RIMS1: variants seen among roughly 807,000 people sequenced by gnomAD.
RIMS1 encodes regulating synaptic membrane exocytosis 1.
Under a neutral mutation model 214.1 loss-of-function variants are expected in RIMS1, and 83 were observed. That is an observed-to-expected ratio of 0.39 (90% CI 0.32 to 0.47). The LOEUF (loss-of-function observed/expected upper bound fraction) is 0.47. RIMS1 is among the 20% of genes least tolerant of loss of function. The pLI is 0.99. For missense variants in RIMS1, 2,050 were observed against 2,161.8 expected (o/e 0.95, Z 1.03); for synonymous variants, 793 against 786.8 (o/e 1.01, Z -0.13).
At chr6:72,142,229 A>G (rs9446577) in intron 4 of RIMS1, among the ~76,000 whole-genome samples, 1,666 of 152,142 alleles carry the variant, frequency 0.011, 32 homozygotes, top group African/African-American at 0.039. Context: ...CTCCCTTTAT[A>G]GGAGAAAAGT....
intron 18 of RIMS1, among the ~76,000 whole-genome samples, chr6:72,259,921 A>G (rs1225482949): frequency 2.6e-5 from 4 of 152,150 alleles, no homozygotes; most frequent in South Asian, 4.1e-4. Context: ...ATTTTTCGCC[A>G]TGGAGTCAAG....
chr6:72,398,167 T>C, intron 31 of RIMS1, 82 bp from the exon 32 acceptor site: 1 of 765,138 alleles, frequency 1.3e-6, no homozygotes, highest in Admixed American at 2.2e-5. Flanking sequence ...AAATCTGTAG[T>C]CTGTTACGGG....
At chr6:72,046,681 A>C (rs1172765515) in intron 2 of RIMS1, among the ~76,000 whole-genome samples, 3 of 152,068 alleles carry the variant, frequency 2.0e-5, no homozygotes, top group African/African-American at 7.2e-5. Flanking sequence ...TGAGAATTGG[A>C]ATTTTAAAAT....
chr6:71,948,579 C>T (rs1788546924), intron 1 of RIMS1, among the ~76,000 whole-genome samples: 1 of 152,136 alleles, frequency 6.6e-6, no homozygotes, highest in Non-Finnish European at 1.5e-5. Context: ...AAATTAGAGA[C>T]AATAAGACCA....
At chr6:72,214,685 A>G (rs906550938) in intron 6 of RIMS1, among the ~76,000 whole-genome samples, 1 of 152,172 alleles carries the variant, frequency 6.6e-6, no homozygotes, top group Non-Finnish European at 1.5e-5. Context: ...GTTTTATTTC[A>G]GTTGACTTGA....
intron 29 of RIMS1, among the ~76,000 whole-genome samples, chr6:72,340,689 T>C (rs1381037709): frequency 6.6e-6 from 1 of 152,122 alleles, no homozygotes; most frequent in Non-Finnish European, 1.5e-5. Context: ...TTTGTAGCCT[T>C]GTAGTATAGT....
At chr6:72,051,689 A>C (rs1824713135) in intron 2 of RIMS1, among the ~76,000 whole-genome samples, 1 of 152,202 alleles carries the variant, frequency 6.6e-6, no homozygotes, top group African/African-American at 2.4e-5. Context: ...ACTACAAGAC[A>C]GTAAATCACT....
At chr6:72,148,138 C>T (rs2042995273) in intron 4 of RIMS1, among the ~76,000 whole-genome samples, 1 of 152,130 alleles carries the variant, frequency 6.6e-6, no homozygotes, top group Non-Finnish European at 1.5e-5. Flanking sequence ...TAAGCTTTTT[C>T]CAGTTTGGGG....
rs183661047 is a variant in RIMS1 at position 72,343,436 on chromosome 6, G to A, written c.4366+9601G>A. 3.5e-3 allele frequency among the ~76,000 whole-genome samples: 498 copies of A among 142,274 alleles called. 1 individual carries two copies. Among genetic ancestry groups the A allele is most frequent in the African/African-American group, 0.012 (460 of 38,272 alleles). 93.3% of individuals were successfully genotyped at this position (142,274 alleles called of 152,430 possible). On this transcript the variant is annotated intron_variant, in intron 29 of 33. Transcript: ENST00000521978. ...TTTCATTCTTATCTATTAATATTGT[G>A]TCTTCTCAAGGAAATAAGAAAATCT...
chr6:72,037,839 C>A (rs764160018), intron 2 of RIMS1, among the ~76,000 whole-genome samples: 3 of 151,556 alleles, frequency 2.0e-5, no homozygotes, highest in Non-Finnish European at 4.4e-5. Flanking sequence ...CATCAATTGC[C>A]TCAAATGAAA....
At chr6:72,075,666 C>A (rs1049324594) in intron 2 of RIMS1, among the ~76,000 whole-genome samples, 1 of 152,074 alleles carries the variant, frequency 6.6e-6, no homozygotes, top group Non-Finnish European at 1.5e-5. Flanking sequence ...GAATGCTCAC[C>A]AGCCCATCTA....
intron 30 of RIMS1, among the ~76,000 whole-genome samples, chr6:72,392,355 G>A (rs1596211366): frequency 1.3e-5 from 2 of 152,174 alleles, no homozygotes; most frequent in Admixed American, 6.5e-5. Flanking sequence ...TAATGTTCAT[G>A]AGCAAGTATC....
At chr6:72,178,704 T>G (rs1181134626) in intron 4 of RIMS1, among the ~76,000 whole-genome samples, 5 of 152,240 alleles carry the variant, frequency 3.3e-5, no homozygotes, top group Non-Finnish European at 7.3e-5. Context: ...CACCTATCTT[T>G]GCCCTGTGAC....
intron 24 of RIMS1, among the ~76,000 whole-genome samples, chr6:72,288,078 T>C (rs1217481604): frequency 6.6e-6 from 1 of 152,136 alleles, no homozygotes; most frequent in Non-Finnish European, 1.5e-5. Context: ...AAATTACCAC[T>C]TTTTTCTCAT....
chr6:72,083,775 G>A (rs1352851079), intron 2 of RIMS1, among the ~76,000 whole-genome samples: 2 of 152,078 alleles, frequency 1.3e-5, no homozygotes, highest in Admixed American at 6.6e-5. Context: ...ATCTTACAAA[G>A]TTGCTATTAT....
intron 2 of RIMS1, among the ~76,000 whole-genome samples, chr6:72,029,445 A>C (rs1335299769): frequency 6.6e-6 from 1 of 152,110 alleles, no homozygotes; most frequent in Non-Finnish European, 1.5e-5. Context: ...GGCCATTACA[A>C]ACGAGGCTGA....
At chr6:71,979,127 G>T (rs1001073050) in intron 2 of RIMS1, among the ~76,000 whole-genome samples, 7 of 152,030 alleles carry the variant, frequency 4.6e-5, no homozygotes, top group African/African-American at 1.7e-4. Context: ...GCTCAGAGAA[G>T]ATGGTGCCCT....
chr6:72,335,161 A>G (rs934164638), intron 29 of RIMS1, among the ~76,000 whole-genome samples: 29 of 152,058 alleles, frequency 1.9e-4, no homozygotes, highest in Non-Finnish European at 2.5e-4. Context: ...TGCTGCACCC[A>G]TCAACCCACA....
chr6:72,247,551 A>C (rs1318202525), intron 11 of RIMS1, among the ~76,000 whole-genome samples: 3 of 151,920 alleles, frequency 2.0e-5, no homozygotes, highest in Non-Finnish European at 4.4e-5. Context: ...AAAAAAAAAA[A>C]AAAACCTAAG....
Sources: allele counts gnomAD v4.1 joint callset (sites outside exome capture counted in the v4.1 genomes callset), GRCh38; gene constraint gnomAD v4.1.1; transcripts MANE v1.5; gene names NCBI Gene and HGNC (gene_info 2026-07-23, HGNC 2026-07-21).